The following PET100 variants were observed in gnomAD, a reference collection of about 807,000 sequenced individuals.
PET100 encodes the protein PET100 cytochrome c oxidase chaperone.
In PET100, 13 loss-of-function variants were observed where a neutral mutation model predicts 13.6. That is an observed-to-expected ratio of 0.96 (90% confidence interval 0.62 to 1.52). PET100 has a LOEUF of 1.52. Among genes scored for constraint, PET100 ranks in the 40% most tolerant of loss-of-function variants. The probability of loss-of-function intolerance (pLI) is 0.00; values close to 1 mark genes in which losing one functional copy is unlikely to be tolerated. For synonymous variants in PET100, 28 were observed against 30.8 expected (o/e 0.91, Z 0.30); for missense variants, 94 against 95.3 (o/e 0.99, Z 0.06).
intron 1 of PET100, 87 bp downstream of exon 1, chr19:7,629,947 G>C (rs2146192301): frequency 7.2e-7 from 1 of 1,384,006 alleles, no homozygotes; most frequent in East Asian, 2.6e-5. Context: ...GGACTTCAAA[G>C]GAAGAGGGAG....
At position 7,631,870 on chromosome 19, in the gene PET100, G is replaced by T. The variant is rs374022067; in HGVS notation, c.*314G>T. ...AAGGGCAGTGCCGGCCACAGGTGGC[G>T]AACAATGGAGAGAGGGTGCAGGTAG... On this transcript the variant is annotated 3_prime_UTR_variant, in exon 4 of 4. Coordinates refer to ENST00000594797, the MANE Select transcript of PET100 (RefSeq NM_001171155.2). 3 of 1,358,440 alleles carry T rather than the reference G, an allele frequency of 2.2e-6. No homozygotes were observed. The highest frequency in any genetic ancestry group is 2.3e-5 in the South Asian group (1 of 43,480). The allele number at this position is 1,358,440 out of a possible 1,614,324, so 84.1% of individuals were successfully genotyped here.
intron 1 of PET100, 193 bp downstream of exon 1, chr19:7,630,053 T>C: frequency 1.7e-6 from 1 of 574,084 alleles, no homozygotes. Flanking sequence ...GGATTTGGGC[T>C]TCTGGGTTTG....
At chr19:7,630,735 A>G (rs755849083) in intron 2 of PET100, 76 bp downstream of exon 2, 1 of 1,532,188 alleles carries the variant, frequency 6.5e-7, no homozygotes, top group Non-Finnish European at 8.8e-7. Flanking sequence ...GCTGGGGACT[A>G]ATGTCTGCCT....
At chr19:7,631,310 G>A (rs978778660) in intron 3 of PET100, 163 bp from the exon 4 acceptor site, 7 of 1,412,822 alleles carry the variant, frequency 5.0e-6, no homozygotes, top group South Asian at 1.6e-5. Flanking sequence ...CGGATCCCAC[G>A]CGGACCCCTT....
chr19:7,629,996 T>A, intron 1 of PET100, 136 bp downstream of exon 1: 1 of 1,132,660 alleles, frequency 8.8e-7, no homozygotes, highest in Non-Finnish European at 1.2e-6. Context: ...GAGGAACCTT[T>A]CTGGTTGGAA....
Position 7,631,585 on chromosome 19 carries a change from C to G in PET100, c.*29C>G, listed in dbSNP as rs2031304347. 6.6e-7 allele frequency: 1 copy of G among 1,520,712 alleles called. No individual in the cohort carries two copies. The highest frequency in any genetic ancestry group is 2.1e-5 in the Admixed American group (1 of 47,478). The allele number at this position is 1,520,712 out of a possible 1,614,324, so 94.2% of individuals were successfully genotyped here. A position where few individuals can be genotyped will look rare whatever the true frequency, so the allele number is the denominator to read the frequency against. The stretch of plus-strand genomic sequence containing the variant: ...CTCCAAGTGGGAGTCCTAGCCCCTC[C>G]CCTGATGAAATATACATATACTCAG... On this transcript the variant is annotated 3_prime_UTR_variant, in exon 4 of 4. Transcript: ENST00000594797.
chr19:7,631,257 G>T, intron 3 of PET100: 2 of 1,403,708 alleles, frequency 1.4e-6, no homozygotes, highest in Non-Finnish European at 9.3e-7. Flanking sequence ...CGAGAGCAGA[G>T]GAGTAGATGG....
intron 3 of PET100, 136 bp downstream of exon 3, chr19:7,630,982 G>T: frequency 8.7e-7 from 1 of 1,155,020 alleles, no homozygotes; most frequent in South Asian, 1.3e-5. Context: ...GCTGAGGTGG[G>T]TAGATCACTT....
At position 7,631,817 on chromosome 19, in the gene PET100, G is replaced by A. The variant is rs778641714; in HGVS notation, c.*261G>A. 2 of 1,390,694 alleles carry A rather than the reference G, an allele frequency of 1.4e-6. No individual in the cohort carries two copies. Among genetic ancestry groups the A allele is most frequent in the African/African-American group, 3.0e-5 (2 of 67,766 alleles). 86.1% of individuals were successfully genotyped at this position (1,390,694 alleles called of 1,614,324 possible). A position where few individuals can be genotyped will look rare whatever the true frequency, so the allele number is the denominator to read the frequency against. The stretch of plus-strand genomic sequence containing the variant: ...CGTTTCTGTGCTCCGTCCTGTGGAT[G>A]AAGAGGGGTCAGCCAGGGGGAGGGC... On this transcript the variant is annotated 3_prime_UTR_variant, in exon 4 of 4. Coordinates refer to ENST00000594797, the MANE Select transcript of PET100 (RefSeq NM_001171155.2).
intron 1 of PET100, chr19:7,630,258 G>GTATCATTAAAAAAAAAA: frequency 2.2e-6 from 1 of 460,100 alleles, no homozygotes; most frequent in African/African-American, 2.0e-5. Context: ...GGGTGCTCCC[G>GTATCATTAAAAAAAAAA]GGATCTTAAG....
chr19:7,630,902 G>C (rs1425644816), intron 3 of PET100, 56 bp downstream of exon 3: 16 of 1,535,046 alleles, frequency 1.0e-5, no homozygotes, highest in Non-Finnish European at 1.4e-5. Flanking sequence ...TCTTGTATCC[G>C]GGATGGGTTT....
chr19:7,631,327 T>G (rs2031284651), intron 3 of PET100, 146 bp from the exon 4 acceptor site: 1 of 1,389,772 alleles, frequency 7.2e-7, no homozygotes, highest in African/African-American at 1.6e-5. Flanking sequence ...CCTTTGTAAT[T>G]GGCAGGGGGC....
rs1346763969 is a variant in PET100 at position 7,630,618 on chromosome 19, A to G, written c.73A>G (p.Asn25Asp). Residue 25 changes from asparagine to aspartate, a missense_variant, in exon 2 of 4, where the codon AAT becomes GAT. By Grantham distance (23) the Asn-to-Asp change is conservative. Coordinates refer to ENST00000594797, the MANE Select transcript of PET100 (RefSeq NM_001171155.2). ...CCCTGTGGCTATGTTCTGGGTTTCC[A>G]ATCAGGCCGAGTGGTTTGAGGACGA... is the stretch of plus-strand genomic sequence containing the variant. The part of the protein sequence containing the change: ...TFPVAMFWVS[N>D]QAEWFEDDVI... The G allele has an allele frequency of 2.6e-6, 4 of 1,537,216 alleles. No homozygotes were observed. The highest frequency in any genetic ancestry group is 3.9e-5 in the Admixed American group (2 of 51,004).
intron 2 of PET100, 36 bp downstream of exon 2, chr19:7,630,695 G>A: frequency 1.3e-6 from 2 of 1,533,528 alleles, no homozygotes; most frequent in Non-Finnish European, 1.7e-6. Context: ...GTTCATTCCA[G>A]GGGTGGGAGA....
chr19:7,631,746 C>A lies in PET100; in HGVS notation c.*190C>A. The A allele has an allele frequency of 6.9e-7, 1 of 1,445,074 alleles. No individual in the cohort carries two copies. The highest frequency in any genetic ancestry group is 9.1e-7 in the Non-Finnish European group (1 of 1,096,432). 89.5% of individuals were successfully genotyped at this position (1,445,074 alleles called of 1,614,324 possible). A position where few individuals can be genotyped will look rare whatever the true frequency, so the allele number is the denominator to read the frequency against. ...TGTTCCGACGGAAGCCGAGAGCGGTCGGGTCCTGAGGGGTGAGCAGGGGTT... is the reference window on the plus strand; with the variant it reads ...TGTTCCGACGGAAGCCGAGAGCGGTAGGGTCCTGAGGGGTGAGCAGGGGTT... On this transcript the variant is annotated 3_prime_UTR_variant, in exon 4 of 4. Transcript: ENST00000594797.
chr19:7,630,529 A>G (rs1201905593), intron 1 of PET100, 44 bp from the exon 2 acceptor site: 42 of 1,456,516 alleles, frequency 2.9e-5, no homozygotes, highest in Non-Finnish European at 3.7e-5. Flanking sequence ...GCCTCTGCAC[A>G]TTGCTTGGGG....
rs184690155 is a variant in PET100, at chr19:7,631,869, C to T, written c.*313C>T. 5.6e-4 allele frequency: 761 copies of T among 1,361,160 alleles called. 1 individual carries two copies. Among genetic ancestry groups the T allele is most frequent in the Middle Eastern group, 4.6e-3 (19 of 4,108 alleles). 84.3% of individuals were successfully genotyped at this position (1,361,160 alleles called of 1,614,324 possible). A position where few individuals can be genotyped will look rare whatever the true frequency, so the allele number is the denominator to read the frequency against. ...CAAGGGCAGTGCCGGCCACAGGTGG[C>T]GAACAATGGAGAGAGGGTGCAGGTA... On this transcript the variant is annotated 3_prime_UTR_variant, in exon 4 of 4. Coordinates refer to ENST00000594797, the MANE Select transcript of PET100 (RefSeq NM_001171155.2).
At chr19:7,630,699 T>C in intron 2 of PET100, 40 bp downstream of exon 2, 3 of 1,531,152 alleles carry the variant, frequency 2.0e-6, no homozygotes, top group Non-Finnish European at 2.6e-6. Flanking sequence ...ATTCCAGGGG[T>C]GGGAGAGGGT....
At position 7,631,732 on chromosome 19, in the gene PET100, A is replaced by C. The variant is rs1248902685; in HGVS notation, c.*176A>C. The C allele has an allele frequency of 2.1e-6, 3 of 1,445,082 alleles. No individual in the cohort carries two copies. The highest frequency in any genetic ancestry group is 9.1e-7 in the Non-Finnish European group (1 of 1,096,710). 89.5% of individuals were successfully genotyped at this position (1,445,082 alleles called of 1,614,324 possible). A position where few individuals can be genotyped will look rare whatever the true frequency, so the allele number is the denominator to read the frequency against. On this transcript the variant is annotated 3_prime_UTR_variant, in exon 4 of 4. Transcript: ENST00000594797. Reference sequence around the variant, plus strand: ...GGGCTGGGGGCTGCTGTTCCGACGGAAGCCGAGAGCGGTCGGGTCCTGAGG... The same window carrying C: ...GGGCTGGGGGCTGCTGTTCCGACGGCAGCCGAGAGCGGTCGGGTCCTGAGG...
Sources: allele counts gnomAD v4.1 joint callset, GRCh38; gene constraint gnomAD v4.1.1; transcripts MANE v1.5; gene names NCBI Gene and HGNC (gene_info 2026-07-23, HGNC 2026-07-21).